Variants in TENT4B observed in about 807,000 individuals in gnomAD.
The protein encoded by TENT4B is PAP associated domain containing 5.
Under a neutral mutation model 75.0 loss-of-function variants are expected in TENT4B, and 10 were observed. The ratio of observed to expected loss-of-function variants is 0.13; its 90% confidence interval spans 0.08 to 0.23. The LOEUF is 0.23. Ranked by LOEUF, TENT4B falls within the 10% of genes least tolerant of loss-of-function variation. The pLI, the probability that TENT4B is intolerant of heterozygous loss-of-function variation, is 1.00. For synonymous variants in TENT4B, 350 were observed against 357.7 expected, an observed-to-expected ratio of 0.98 and a Z score of 0.24; for missense variants, 579 against 893.8, an observed-to-expected ratio of 0.65 and a Z score of 4.49.
intron 1 of TENT4B, among the ~76,000 whole-genome samples, chr16:50,155,999 G>T (rs2037891887): frequency 2.0e-5 from 3 of 151,868 alleles, no homozygotes; most frequent in African/African-American, 4.8e-5. Context: ...GCTATTTAAT[G>T]CAGAAGATAC....
At chr16:50,190,581 A>G (rs2038621057) in intron 1 of TENT4B, among the ~76,000 whole-genome samples, 1 of 152,016 alleles carries the variant, frequency 6.6e-6, no homozygotes, top group Non-Finnish European at 1.5e-5. Context: ...AGTATTTTCA[A>G]GGTTCATCCA....
chr16:50,153,084 G>T, upstream of TENT4B: 1 of 1,367,556 alleles, frequency 7.3e-7, no homozygotes, highest in Non-Finnish European at 9.5e-7. Flanking sequence ...CCAGGCGGTT[G>T]CGGCCCCGTC....
Position 50,230,619 on chromosome 16 carries a change from T to C in TENT4B, c.*1291T>C, listed in dbSNP as rs981500699. 1.0e-6 allele frequency: 1 copy of C among 984,306 alleles called. No homozygotes were observed. Among genetic ancestry groups the C allele is most frequent in the South Asian group, 4.7e-5 (1 of 21,256 alleles). The allele number at this position is 984,306 out of a possible 1,614,324, so 61.0% of individuals were successfully genotyped here. A position where few individuals can be genotyped will look rare whatever the true frequency, so the allele number is the denominator to read the frequency against. On this transcript the variant is annotated 3_prime_UTR_variant, in exon 12 of 12. Transcript: ENST00000561678. ...CCTTATTAAGACCAAATACTTCTTG[T>C]CATCCCATTCTTTATCCTCTTCTTT... is the stretch of plus-strand genomic sequence containing the variant.
At chr16:50,220,690 G>A (rs970322273) in intron 5 of TENT4B, among the ~76,000 whole-genome samples, 12 of 151,702 alleles carry the variant, frequency 7.9e-5, no homozygotes, top group African/African-American at 2.9e-4. Flanking sequence ...CACCACGCTG[G>A]GCTAATTTTT....
chr16:50,159,446 G>A (rs1324954230), intron 1 of TENT4B, among the ~76,000 whole-genome samples: 1 of 151,974 alleles, frequency 6.6e-6, no homozygotes, highest in African/African-American at 2.4e-5. Flanking sequence ...CTCCATGTTG[G>A]TCAGGCTGGT....
intron 3 of TENT4B, 23 bp downstream of exon 3, chr16:50,214,290 CA>C: frequency 6.5e-7 from 1 of 1,547,134 alleles, no homozygotes; most frequent in Non-Finnish European, 8.9e-7. Context: ...ATGAATCTTT[CA>C]AAGGACTTTT....
upstream of TENT4B, chr16:50,153,144 G>T (rs2037794170): frequency 1.5e-6 from 1 of 660,412 alleles, no homozygotes; most frequent in Non-Finnish European, 2.0e-6. Flanking sequence ...CTGCTGCGCG[G>T]CGCAGCGGGG....
rs1007406526 is a variant in TENT4B at position 50,154,025 on chromosome 16, C to T, written c.404C>T (p.Ala135Val). The change falls in exon 1 of 12, where the codon GCG becomes GTG. Residue 135 changes from alanine to valine, a missense_variant. Coordinates refer to ENST00000561678, the MANE Select transcript of TENT4B (RefSeq NM_001365324.3). ...AGSSASSPPS[A>V]SSSPHPSAAV... ...TCCTCGGCGTCCTCGCCTCCCTCGG[C>T]GTCCTCGTCCCCGCACCCTTCGGCC... 6.5e-7 allele frequency: 1 copy of T among 1,533,524 alleles called. No individual in the cohort carries two copies. The highest frequency in any genetic ancestry group is 8.7e-7 in the Non-Finnish European group (1 of 1,145,892). 95.0% of individuals were successfully genotyped at this position (1,533,524 alleles called of 1,614,324 possible). A position where few individuals can be genotyped will look rare whatever the true frequency, so the allele number is the denominator to read the frequency against.
Position 50,230,302 on chromosome 16 carries a change from A to AAG in TENT4B, c.*975_*976insGA. On this transcript the variant is annotated 3_prime_UTR_variant, in exon 12 of 12. Coordinates refer to ENST00000561678, the MANE Select transcript of TENT4B (RefSeq NM_001365324.3). ...TTCCCCCCATTTCTTCCTAATAGGA[A>AAG]AAAAAAAAAAAAAAAGGTCACCCAT... 2 of 613,356 alleles carry AAG rather than the reference A, an allele frequency of 3.3e-6. No individual in the cohort carries two copies. Among genetic ancestry groups the AAG allele is most frequent in the South Asian group, 7.3e-5 (1 of 13,736 alleles). The allele number at this position is 613,356 out of a possible 1,614,324, so 38.0% of individuals were successfully genotyped here.
chr16:50,179,129 G>C (rs1216605022), intron 1 of TENT4B, among the ~76,000 whole-genome samples: 1 of 151,480 alleles, frequency 6.6e-6, no homozygotes, highest in Non-Finnish European at 1.5e-5. Flanking sequence ...TTGGGAGACC[G>C]AGGCGGGTGG....
chr16:50,227,390 C>T (rs1030914078), intron 10 of TENT4B, among the ~76,000 whole-genome samples: 11 of 152,156 alleles, frequency 7.2e-5, no homozygotes, highest in African/African-American at 2.4e-4. Context: ...AGCCCACTGT[C>T]GCGGGAAGTC....
Position 50,229,531 on chromosome 16 carries a change from G to C in TENT4B, c.*203G>C. The C allele has an allele frequency of 8.0e-7, 1 of 1,245,644 alleles. No individual in the cohort carries two copies. The highest frequency in any genetic ancestry group is 1.0e-6 in the Non-Finnish European group (1 of 997,770). 77.2% of individuals were successfully genotyped at this position (1,245,644 alleles called of 1,614,324 possible). ...CAAAACAAAACAAAAAAAAAAGCAAGCAAAAAAGAGGGAAAAAAAAGGCTG... is the reference window on the plus strand; with the variant it reads ...CAAAACAAAACAAAAAAAAAAGCAACCAAAAAAGAGGGAAAAAAAAGGCTG... On this transcript the variant is annotated 3_prime_UTR_variant, in exon 12 of 12. Coordinates refer to ENST00000561678, the MANE Select transcript of TENT4B (RefSeq NM_001365324.3).
chr16:50,223,592 G>C (rs1320763990), intron 7 of TENT4B, among the ~76,000 whole-genome samples: 6 of 152,184 alleles, frequency 3.9e-5, no homozygotes, highest in Admixed American at 6.5e-5. Flanking sequence ...CAGATAAGTA[G>C]GGAGTAGAAT....
chr16:50,217,976 G>A (rs1445354032), intron 5 of TENT4B, among the ~76,000 whole-genome samples: 3 of 149,202 alleles, frequency 2.0e-5, no homozygotes, highest in African/African-American at 7.4e-5. Context: ...GTCTCGCTGT[G>A]TTGGCCAGGC....
chr16:50,226,019 A>G (rs1013034202), intron 10 of TENT4B, among the ~76,000 whole-genome samples: 6 of 149,456 alleles, frequency 4.0e-5, no homozygotes, highest in Non-Finnish European at 8.9e-5. Flanking sequence ...CTTTTTTTTG[A>G]GACGGAGTCT....
At chr16:50,204,945 C>G (rs1254288766) in intron 1 of TENT4B, among the ~76,000 whole-genome samples, 2 of 152,096 alleles carry the variant, frequency 1.3e-5, no homozygotes, top group Admixed American at 1.3e-4. Flanking sequence ...TCAGTATTGC[C>G]CACAGGCTGA....
At chr16:50,224,109 C>T (rs983273879) in intron 7 of TENT4B, among the ~76,000 whole-genome samples, 1 of 152,198 alleles carries the variant, frequency 6.6e-6, no homozygotes, top group East Asian at 1.9e-4. Context: ...AGAGTAGTTG[C>T]CTAGGAACCA....
intron 1 of TENT4B, among the ~76,000 whole-genome samples, chr16:50,163,396 A>C (rs1183875465): frequency 1.3e-5 from 2 of 150,586 alleles, no homozygotes; most frequent in African/African-American, 4.9e-5. Flanking sequence ...CCCCTGTAAT[A>C]TCACTACCAG....
At chr16:50,193,965 T>C (rs1040818085) in intron 1 of TENT4B, among the ~76,000 whole-genome samples, 1 of 152,190 alleles carries the variant, frequency 6.6e-6, no homozygotes, top group Non-Finnish European at 1.5e-5. Context: ...TTAATGTCCC[T>C]TTTTTATAGA....
Sources: gnomAD v4.1 joint callset for allele counts (sites outside exome capture counted in the v4.1 genomes callset) on GRCh38, gnomAD v4.1.1 for gene constraint, MANE v1.5 for transcripts, NCBI Gene and HGNC (gene_info 2026-07-23, HGNC 2026-07-21) for gene names.